Variants in TENM2 observed in about 807,000 individuals in gnomAD.
TENM2 encodes the protein teneurin-2.
TENM2 carries 52 observed loss-of-function variants against 245.2 expected under a neutral mutation model. That is an observed-to-expected ratio of 0.21 (90% CI 0.17 to 0.27). The LOEUF is 0.27. Among genes scored for constraint, TENM2 ranks in the 10% least tolerant of loss-of-function variants. The probability of loss-of-function intolerance (pLI) is 1.00; values close to 1 mark genes in which losing one functional copy is unlikely to be tolerated. For synonymous variants in TENM2, 1,363 were observed against 1,438.9 expected, an observed-to-expected ratio of 0.95 and a Z score of 1.19; for missense variants, 3,046 against 3,666.8, an observed-to-expected ratio of 0.83 and a Z score of 4.37.
the TENM2 span, among the ~76,000 whole-genome samples, chr5:167,112,821 C>T: frequency 1.3e-5 from 2 of 152,270 alleles, no homozygotes; most frequent in African/African-American, 4.8e-5. Context: ...TTGGAAAATT[C>T]ACAGTATGAA....
intron 1 of TENM2, among the ~76,000 whole-genome samples, chr5:167,327,224 G>A (rs908633812): frequency 3.9e-5 from 6 of 152,006 alleles, no homozygotes; most frequent in Middle Eastern, 3.2e-3. Flanking sequence ...CCCTTCCTGT[G>A]TCCATGTGTT....
intron 12 of TENM2, among the ~76,000 whole-genome samples, chr5:168,162,392 G>A (rs1156719147): frequency 2.0e-5 from 3 of 152,196 alleles, no homozygotes; most frequent in Non-Finnish European, 2.9e-5. Context: ...TCTGACCTAG[G>A]TCAGTTGTCA....
chr5:167,271,675 C>T, the TENM2 span, among the ~76,000 whole-genome samples: 8 of 152,230 alleles, frequency 5.3e-5, no homozygotes, highest in East Asian at 1.9e-4. Flanking sequence ...TCATAGACAG[C>T]GGATCCTGGC....
At chr5:168,070,820 A>AGAGAGAG in intron 7 of TENM2, among the ~76,000 whole-genome samples, 1 of 86,962 alleles carries the variant, frequency 1.1e-5, no homozygotes, top group African/African-American at 3.7e-5. Flanking sequence ...AGAGAGAGAG[A>AGAGAGAG]AAAAAAGAAA....
At chr5:167,453,903 C>T (rs1344597845) in intron 2 of TENM2, among the ~76,000 whole-genome samples, 1 of 152,164 alleles carries the variant, frequency 6.6e-6, no homozygotes, top group East Asian at 1.9e-4. Context: ...TTAAAGTCTT[C>T]CTGCATTCCT....
chr5:167,582,235 T>A (rs976947655), intron 2 of TENM2, among the ~76,000 whole-genome samples: 1 of 152,198 alleles, frequency 6.6e-6, no homozygotes, highest in Non-Finnish European at 1.5e-5. Flanking sequence ...AAGCAAAGAA[T>A]GTGAGGGAAA....
intron 2 of TENM2, among the ~76,000 whole-genome samples, chr5:167,501,285 T>C (rs1769194408): frequency 6.6e-6 from 1 of 152,128 alleles, no homozygotes; most frequent in South Asian, 2.1e-4. Flanking sequence ...GCCTTGCCAA[T>C]GGTGTTATGG....
At chr5:167,837,201 G>A (rs1002155059) in intron 2 of TENM2, among the ~76,000 whole-genome samples, 5 of 151,654 alleles carry the variant, frequency 3.3e-5, no homozygotes, top group African/African-American at 9.7e-5. Flanking sequence ...ATGTAGTTTC[G>A]CCATTGGTTA....
intron 2 of TENM2, among the ~76,000 whole-genome samples, chr5:167,399,104 T>A (rs1762231466): frequency 6.6e-6 from 1 of 152,140 alleles, no homozygotes; most frequent in African/African-American, 2.4e-5. Context: ...TGGGAACCTG[T>A]CACAAGCGGG....
At chr5:167,153,225 C>G in the TENM2 span, among the ~76,000 whole-genome samples, 1 of 151,920 alleles carries the variant, frequency 6.6e-6, no homozygotes, top group Non-Finnish European at 1.5e-5. Context: ...AACTTAACTA[C>G]TCATTGCCTG....
At chr5:168,199,637 A>G (rs1761762248) in intron 16 of TENM2, among the ~76,000 whole-genome samples, 1 of 152,208 alleles carries the variant, frequency 6.6e-6, no homozygotes, top group South Asian at 2.1e-4. Flanking sequence ...ACAGTGACCA[A>G]GAATAATTAT....
chr5:167,775,030 C>T (rs2973667), intron 2 of TENM2, among the ~76,000 whole-genome samples: 81,784 of 151,960 alleles, frequency 0.54, 25,473 homozygotes, highest in Non-Finnish European at 0.72. Flanking sequence ...AGTGCAATGG[C>T]GCAATCTCGG....
At position 167,366,327 on chromosome 5, in the gene TENM2, C is replaced by G. The variant is rs532639560; in HGVS notation, c.227-8871C>G. Among the ~76,000 whole-genome samples the G allele has an allele frequency of 2.2e-4, 34 of 152,168 alleles. No homozygotes were observed. The South Asian group carries it at 5.0e-3, about 22-fold the overall frequency. The stretch of plus-strand genomic sequence containing the variant: ...TTTATTGTTCCTAAATTTTCTAAAT[C>G]AACTCATGACAAAATAGAAAATAGT... On this transcript the variant is annotated intron_variant, in intron 1 of 28. Coordinates refer to ENST00000518659, the Ensembl canonical transcript of TENM2.
At chr5:168,200,015 T>G in exon 17 of TENM2, 3 of 1,614,014 alleles carry the variant, frequency 1.9e-6, no homozygotes, top group Non-Finnish European at 2.5e-6. Flanking sequence ...ATGGTGGCTG[T>G]CGAGGGGCAT....
At chr5:167,452,799 G>A (rs1475663443) in intron 2 of TENM2, among the ~76,000 whole-genome samples, 3 of 151,134 alleles carry the variant, frequency 2.0e-5, no homozygotes, top group African/African-American at 7.3e-5. Flanking sequence ...GGGGAGCGGG[G>A]AGGGATAGCA....
chr5:167,140,442 TG>T, the TENM2 span, among the ~76,000 whole-genome samples: 1 of 152,200 alleles, frequency 6.6e-6, no homozygotes, highest in Non-Finnish European at 1.5e-5. Context: ...TTACTCTTAC[TG>T]GTTTGTTATT....
At chr5:167,338,571 T>C (rs552093350) in intron 1 of TENM2, among the ~76,000 whole-genome samples, 2 of 152,316 alleles carry the variant, frequency 1.3e-5, no homozygotes, top group East Asian at 1.9e-4. Context: ...GGCTAAAATA[T>C]ATCACGTGGT....
At chr5:167,869,976 A>C (rs961253025) in intron 2 of TENM2, among the ~76,000 whole-genome samples, 1 of 152,210 alleles carries the variant, frequency 6.6e-6, no homozygotes, top group African/African-American at 2.4e-5. Flanking sequence ...AACCCCAAAG[A>C]TTTAGAGAAA....
chr5:167,044,131 T>A, the TENM2 span, among the ~76,000 whole-genome samples: 1 of 151,878 alleles, frequency 6.6e-6, no homozygotes, highest in Non-Finnish European at 1.5e-5. Flanking sequence ...AAGGCAGGCA[T>A]GAGACTGGCA....
Sources: allele counts gnomAD v4.1 joint callset (sites outside exome capture counted in the v4.1 genomes callset), GRCh38; gene constraint gnomAD v4.1.1; transcripts MANE v1.5; gene names NCBI Gene and HGNC (gene_info 2026-07-23, HGNC 2026-07-21).